The following SLC35F1 variants were observed in gnomAD, a reference collection of about 807,000 sequenced individuals.
SLC35F1 encodes solute carrier family 35 member F1.
In SLC35F1, 14 loss-of-function variants were observed where a neutral mutation model predicts 48.7. The ratio of observed to expected loss-of-function variants is 0.29; its 90% CI spans 0.19 to 0.45. SLC35F1 has a LOEUF of 0.45. Among genes scored for constraint, SLC35F1 ranks in the 20% least tolerant of loss-of-function variants. The probability of loss-of-function intolerance (pLI) is 1.00; values close to 1 mark genes in which losing one functional copy is unlikely to be tolerated. For synonymous variants in SLC35F1, 190 were observed against 202.2 expected (o/e 0.94, Z 0.51); for missense variants, 404 against 500.0 (o/e 0.81, Z 1.83).
intron 1 of SLC35F1, among the ~76,000 whole-genome samples, chr6:118,141,734 A>G (rs1286569755): frequency 1.3e-5 from 2 of 152,164 alleles, no homozygotes; most frequent in African/African-American, 4.8e-5. Flanking sequence ...GGGAGGTAGG[A>G]TTTCAACATA....
At chr6:118,068,653 T>G (rs1276876027) in intron 1 of SLC35F1, among the ~76,000 whole-genome samples, 1 of 151,994 alleles carries the variant, frequency 6.6e-6, no homozygotes, top group African/African-American at 2.4e-5. Context: ...TTTTTCATTA[T>G]CCCCCCTTAA....
Position 118,275,494 on chromosome 6 carries a change from G to C in SLC35F1, c.673G>C (p.Gly225Arg). The change falls in exon 5 of 8, where the codon GGA becomes CGA. Residue 225 changes from glycine (G) to arginine (R), a missense_variant. By Grantham distance (125) the Gly-to-Arg change is moderately radical. Transcript: ENST00000360388. ...NKLVGDLLVL[G>R]GATLYGISNV... ...GCTGGTAGGGGACCTTCTGGTCTTA[G>C]GAGGAGCCACACTCTATGGTATTTC... 2 of 1,613,732 alleles carry C rather than the reference G, an allele frequency of 1.2e-6. No individual in the cohort carries two copies. Among genetic ancestry groups the C allele is most frequent in the Non-Finnish European group, 1.7e-6 (2 of 1,179,802 alleles).
At chr6:118,309,173 G>C (rs975836622) in intron 7 of SLC35F1, among the ~76,000 whole-genome samples, 1 of 25,086 alleles carries the variant, frequency 4.0e-5, no homozygotes, top group South Asian at 1.0e-3. Context: ...CTGTAGATGT[G>C]TGTGTGTGTG....
chr6:118,089,696 G>A (rs2114340419), intron 1 of SLC35F1, among the ~76,000 whole-genome samples: 1 of 152,278 alleles, frequency 6.6e-6, no homozygotes, highest in East Asian at 1.9e-4. Context: ...TGGAAGAGTT[G>A]TGGATCTATT....
At chr6:118,104,698 T>C (rs1203213506) in intron 1 of SLC35F1, among the ~76,000 whole-genome samples, 1 of 152,214 alleles carries the variant, frequency 6.6e-6, no homozygotes, top group African/African-American at 2.4e-5. Flanking sequence ...CATCGTTATC[T>C]TGAAGATAGG....
chr6:118,000,952 A>T (rs1405749157), intron 1 of SLC35F1, among the ~76,000 whole-genome samples: 2 of 152,094 alleles, frequency 1.3e-5, no homozygotes, highest in African/African-American at 4.8e-5. Context: ...ATAAAAGAGG[A>T]TACAAACAAA....
chr6:118,192,516 A>G (rs1206337316), intron 2 of SLC35F1, among the ~76,000 whole-genome samples: 2 of 152,210 alleles, frequency 1.3e-5, no homozygotes, highest in Admixed American at 1.3e-4. Context: ...AAACTGCATT[A>G]GCATTAAGCA....
intron 2 of SLC35F1, among the ~76,000 whole-genome samples, chr6:118,158,028 G>T (rs1774171320): frequency 6.6e-6 from 1 of 152,150 alleles, no homozygotes; most frequent in South Asian, 2.1e-4. Flanking sequence ...GAATTTGGAG[G>T]CTCTTTAGAA....
intron 1 of SLC35F1, among the ~76,000 whole-genome samples, chr6:118,021,235 T>C (rs926035541): frequency 6.6e-6 from 1 of 152,054 alleles, no homozygotes; most frequent in Admixed American, 6.6e-5. Flanking sequence ...ATTTTAGAGA[T>C]TGAGTAGAGT....
intron 1 of SLC35F1, among the ~76,000 whole-genome samples, chr6:117,998,009 T>A (rs1314508510): frequency 6.7e-6 from 1 of 149,358 alleles, no homozygotes; most frequent in Non-Finnish European, 1.5e-5. Context: ...GACCCATCAG[T>A]GTGCTGTATT....
intron 7 of SLC35F1, among the ~76,000 whole-genome samples, chr6:118,308,259 C>T (rs1274826489): frequency 9.2e-5 from 14 of 152,086 alleles, no homozygotes; most frequent in Admixed American, 7.2e-4. Context: ...TTATGGTTAG[C>T]GTGCAAGTTG....
At chr6:118,305,846 G>T (rs955774069) in intron 7 of SLC35F1, among the ~76,000 whole-genome samples, 5 of 152,112 alleles carry the variant, frequency 3.3e-5, no homozygotes, top group Admixed American at 3.3e-4. Flanking sequence ...GTTGCAGCTG[G>T]TATGTTCTTC....
chr6:118,087,076 A>C (rs1562285621), intron 1 of SLC35F1, among the ~76,000 whole-genome samples: 1 of 152,150 alleles, frequency 6.6e-6, no homozygotes, highest in Admixed American at 6.5e-5. Flanking sequence ...CTGCCCTAAC[A>C]GCATGCCACA....
intron 2 of SLC35F1, among the ~76,000 whole-genome samples, chr6:118,198,340 A>G (rs1387004295): frequency 6.6e-6 from 1 of 152,208 alleles, no homozygotes; most frequent in East Asian, 1.9e-4. Context: ...CTGAGCTAAT[A>G]TCACAGAAGT....
chr6:118,049,599 A>G (rs1215660370), intron 1 of SLC35F1, among the ~76,000 whole-genome samples: 1 of 151,302 alleles, frequency 6.6e-6, no homozygotes, highest in East Asian at 1.9e-4. Context: ...ATGCAGCCAA[A>G]AAACACATGA....
At chr6:118,166,354 A>G (rs1253059404) in intron 2 of SLC35F1, among the ~76,000 whole-genome samples, 2 of 152,142 alleles carry the variant, frequency 1.3e-5, no homozygotes, top group Non-Finnish European at 2.9e-5. Context: ...GACAAACTCA[A>G]TGGACTACTG....
At chr6:117,923,498 T>A (rs1160203659) in intron 1 of SLC35F1, among the ~76,000 whole-genome samples, 9 of 3,978 alleles carry the variant, frequency 2.3e-3, no homozygotes, top group African/African-American at 4.6e-3. Context: ...ATATATAAAA[T>A]ATATATATAC....
chr6:118,011,023 A>C (rs897225481), intron 1 of SLC35F1, among the ~76,000 whole-genome samples: 1 of 152,146 alleles, frequency 6.6e-6, no homozygotes, highest in Non-Finnish European at 1.5e-5. Flanking sequence ...ATTGACATCT[A>C]GTGGGTAGAG....
intron 1 of SLC35F1, among the ~76,000 whole-genome samples, chr6:118,113,798 C>A (rs1773440951): frequency 6.6e-6 from 1 of 152,056 alleles, no homozygotes; most frequent in Non-Finnish European, 1.5e-5. Flanking sequence ...TATTTTAGAG[C>A]CCAGAATTAA....
Sources: gnomAD v4.1 joint callset for allele counts (sites outside exome capture counted in the v4.1 genomes callset) on GRCh38, gnomAD v4.1.1 for gene constraint, MANE v1.5 for transcripts, NCBI Gene and HGNC (gene_info 2026-07-23, HGNC 2026-07-21) for gene names.